Variants in FRMPD4 observed in about 807,000 individuals in gnomAD.
FRMPD4 encodes the protein FERM and PDZ domain-containing protein 4.
A neutral mutation model predicts 94.1 loss-of-function variants in FRMPD4; 22 were observed. The ratio of observed to expected loss-of-function variants is 0.23; its 90% CI spans 0.17 to 0.33. The LOEUF (loss-of-function observed/expected upper bound fraction) is 0.33, where lower values mean the gene tolerates loss of function less well. Ranked by LOEUF, FRMPD4 falls within the 10% of genes least tolerant of loss-of-function variation. FRMPD4 has a pLI of 1.00. For synonymous variants in FRMPD4, 631 were observed against 548.6 expected (o/e 1.15, Z -2.10); for missense variants, 1,111 against 1,339.9 (o/e 0.83, Z 2.67).
At chrX:12,196,229 G>T (rs1159174712) in intron 1 of FRMPD4, among the ~76,000 whole-genome samples, 1 of 111,323 alleles carries the variant, frequency 9.0e-6, no homozygotes, top group African/African-American at 3.3e-5. Context: ...CATCTCCAAG[G>T]ATAGCAATGG....
intron 1 of FRMPD4, among the ~76,000 whole-genome samples, chrX:12,367,585 C>T (rs1242594583): frequency 9.0e-6 from 1 of 111,355 alleles, no homozygotes; most frequent in African/African-American, 3.3e-5. Context: ...GTTACGGGGC[C>T]GCTGCACTCG....
chrX:12,563,692 A>C (rs1265080054), intron 2 of FRMPD4, among the ~76,000 whole-genome samples: 4 of 111,868 alleles, frequency 3.6e-5, no homozygotes, highest in Admixed American at 1.9e-4. Flanking sequence ...TTCTCAACAC[A>C]CAACTTTACC....
intron 1 of FRMPD4, among the ~76,000 whole-genome samples, chrX:12,363,715 A>G (rs1410132186): frequency 8.9e-6 from 1 of 112,326 alleles, no homozygotes; most frequent in Non-Finnish European, 1.9e-5. Flanking sequence ...TGGCACATTA[A>G]ACAACTCAGA....
At position 12,286,038 on chromosome X, in the gene FRMPD4, A is replaced by G. The variant is rs1453076640; in HGVS notation, c.41+147026A>G. Among the ~76,000 whole-genome samples, 4 of 112,222 alleles carry G rather than the reference A, an allele frequency of 3.6e-5. No homozygotes were observed. The East Asian group carries it at 1.1e-3, about 31-fold the overall frequency. ...TCTACTCAGCTGACCTTCGCAGGCA[A>G]CAATAACCCCACTTCTTCCATGATG... On this transcript the variant is annotated intron_variant, in intron 1 of 16. Transcript: ENST00000675598.
chrX:12,170,214 T>G (rs1295175338), intron 1 of FRMPD4, among the ~76,000 whole-genome samples: 1 of 107,271 alleles, frequency 9.3e-6, no homozygotes. Flanking sequence ...GACAACAAGG[T>G]CTCCTATTCT....
chrX:12,307,518 T>C (rs1569225992), intron 1 of FRMPD4, among the ~76,000 whole-genome samples: 1 of 111,705 alleles, frequency 9.0e-6, no homozygotes, highest in African/African-American at 3.3e-5. Context: ...ATATATGAAG[T>C]TCAAAAACAG....
At chrX:12,139,552 G>T (rs5933959) in intron 1 of FRMPD4, among the ~76,000 whole-genome samples, 14,489 of 83,867 alleles carry the variant, frequency 0.17, 915 homozygotes, top group South Asian at 0.51. Context: ...TTTTTTTTTT[G>T]GGGGGGGGGT....
rs181466211 is a variant in FRMPD4 at position 12,276,843 on chromosome X, C to T, written c.41+137831C>T. 3.6e-3 allele frequency among the ~76,000 whole-genome samples: 399 copies of T among 111,578 alleles called. 1 individual carries two copies. The highest frequency in any genetic ancestry group is 5.8e-3 in the Non-Finnish European group (310 of 52,996). On this transcript the variant is annotated intron_variant, in intron 1 of 16. Coordinates refer to ENST00000675598, the MANE Select transcript of FRMPD4 (RefSeq NM_001368397.1). ...AAGTTTCAAAAATGTTAATTTTGGC[C>T]GGGCGCGGTGGCTCACGCCTGTAAT...
chrX:12,326,512 A>G (rs1258314781), intron 1 of FRMPD4, among the ~76,000 whole-genome samples: 1 of 111,589 alleles, frequency 9.0e-6, no homozygotes. Flanking sequence ...GTCTCCACAT[A>G]TTGCCAAATG....
At chrX:12,500,009 GTTTT>G (rs1247600372) in intron 2 of FRMPD4, among the ~76,000 whole-genome samples, 14 of 111,237 alleles carry the variant, frequency 1.3e-4, no homozygotes, top group African/African-American at 4.6e-4. Context: ...TTTTTGTTTC[GTTTT>G]TTTGTTTGTT....
intron 1 of FRMPD4, among the ~76,000 whole-genome samples, chrX:12,348,297 A>C (rs781612437): frequency 1.7e-4 from 19 of 112,046 alleles, no homozygotes; most frequent in Non-Finnish European, 2.4e-4. Context: ...CACTGAAGTC[A>C]ACCTCTGAGC....
intron 1 of FRMPD4, among the ~76,000 whole-genome samples, chrX:12,229,859 A>C (rs2147773494): frequency 8.9e-6 from 1 of 112,342 alleles, no homozygotes; most frequent in Non-Finnish European, 1.9e-5. Context: ...CATCTGCCCT[A>C]CAACCTGCTG....
chrX:11,897,163 A>G (rs1030011252), intron 3 of FRMPD4, among the ~76,000 whole-genome samples: 4 of 110,495 alleles, frequency 3.6e-5, no homozygotes, highest in Non-Finnish European at 5.7e-5. Context: ...AAAAAAAAAA[A>G]AAAGAAAGAA....
intron 1 of FRMPD4, among the ~76,000 whole-genome samples, chrX:12,243,790 CTTTTTTTTTTTTTTTTTTTTT>C (rs148889684): frequency 4.4e-5 from 1 of 22,914 alleles, no homozygotes; most frequent in East Asian, 1.5e-3. Context: ...ATCTAAAGGG[CTTTTTTTTTTTTTTTTTTTTT>C]TTTTTTTTTT....
At chrX:11,999,535 T>C (rs1158246486) in intron 3 of FRMPD4, among the ~76,000 whole-genome samples, 1 of 112,208 alleles carries the variant, frequency 8.9e-6, no homozygotes, top group Non-Finnish European at 1.9e-5. Flanking sequence ...ATAAACAACA[T>C]TGGGTGTATT....
chrX:12,121,778 G>T (rs2055456341), intron 3 of FRMPD4, among the ~76,000 whole-genome samples: 1 of 111,737 alleles, frequency 8.9e-6, no homozygotes, highest in Non-Finnish European at 1.9e-5. Context: ...GAATCTCCAA[G>T]GTTACTCATC....
intron 2 of FRMPD4, among the ~76,000 whole-genome samples, chrX:12,565,029 G>A (rs556445988): frequency 1.8e-5 from 2 of 109,884 alleles, no homozygotes; most frequent in Admixed American, 9.7e-5. Context: ...AGAGGTTGCA[G>A]TGAGCGGAGA....
At chrX:11,827,485 G>A (rs537982645) in intron 1 of FRMPD4, among the ~76,000 whole-genome samples, 3 of 111,326 alleles carry the variant, frequency 2.7e-5, no homozygotes, top group African/African-American at 3.3e-5. Context: ...TGGCATATTC[G>A]GAGTTCCAGT....
At chrX:12,403,558 G>A (rs886173160) in intron 1 of FRMPD4, among the ~76,000 whole-genome samples, 2 of 110,111 alleles carry the variant, frequency 1.8e-5, no homozygotes, top group African/African-American at 6.6e-5. Flanking sequence ...CTCCCTGCCC[G>A]CCGCCCACCA....
Sources: gnomAD v4.1 joint callset for allele counts (sites outside exome capture counted in the v4.1 genomes callset) on GRCh38, gnomAD v4.1.1 for gene constraint, MANE v1.5 for transcripts, NCBI Gene and HGNC (gene_info 2026-07-23, HGNC 2026-07-21) for gene names.